The following ASXL3 variants were observed in gnomAD, a reference collection of about 807,000 sequenced individuals.
The protein encoded by ASXL3 is ASXL transcriptional regulator 3.
Under a neutral mutation model 170.6 loss-of-function variants are expected in ASXL3, and 34 were observed. That is an observed-to-expected ratio of 0.20 (90% CI 0.15 to 0.27). The LOEUF is 0.27. Ranked by LOEUF, ASXL3 falls within the 10% of genes least tolerant of loss-of-function variation. The pLI is 1.00. For synonymous variants in ASXL3, 1,002 were observed against 989.1 expected, an observed-to-expected ratio of 1.01 and a Z score of -0.24; for missense variants, 2,592 against 2,695.3, an observed-to-expected ratio of 0.96 and a Z score of 0.85.
At chr18:33,662,430 A>G (rs1294989363) in intron 5 of ASXL3, among the ~76,000 whole-genome samples, 1 of 152,190 alleles carries the variant, frequency 6.6e-6, no homozygotes, top group Non-Finnish European at 1.5e-5. Flanking sequence ...AAATAATAGT[A>G]TCTTGCTCCT....
intron 5 of ASXL3, among the ~76,000 whole-genome samples, chr18:33,662,750 A>T (rs1272503965): frequency 6.6e-6 from 1 of 152,140 alleles, no homozygotes; most frequent in Non-Finnish European, 1.5e-5. Context: ...GATGACCTTT[A>T]CCAGATCCAG....
chr18:33,584,263 G>C (rs1426809851), intron 1 of ASXL3, among the ~76,000 whole-genome samples: 3 of 151,926 alleles, frequency 2.0e-5, no homozygotes, highest in East Asian at 3.9e-4. Flanking sequence ...CAGAAGACTT[G>C]GGGGGGCATA....
At chr18:33,645,162 T>C (rs1409149489) in intron 3 of ASXL3, among the ~76,000 whole-genome samples, 160 bp downstream of exon 3, 1 of 152,044 alleles carries the variant, frequency 6.6e-6, no homozygotes, top group Non-Finnish European at 1.5e-5. Context: ...GAATAAACAA[T>C]GACATTTTTC....
intron 2 of ASXL3, among the ~76,000 whole-genome samples, chr18:33,637,008 C>T (rs576392977): frequency 6.6e-5 from 10 of 152,076 alleles, no homozygotes; most frequent in Middle Eastern, 3.4e-3. Flanking sequence ...CATAGAGATA[C>T]GTTTGTGAAT....
At chr18:33,667,156 C>T (rs1162241536) in intron 5 of ASXL3, among the ~76,000 whole-genome samples, 1 of 152,126 alleles carries the variant, frequency 6.6e-6, no homozygotes, top group Non-Finnish European at 1.5e-5. Context: ...AAAAATCTAG[C>T]AGTTGGCCTT....
At chr18:33,710,381 A>G (rs576466541) in intron 8 of ASXL3, among the ~76,000 whole-genome samples, 4 of 152,218 alleles carry the variant, frequency 2.6e-5, no homozygotes, top group Non-Finnish European at 2.9e-5. Flanking sequence ...GTTATTGGCA[A>G]TCGTTTTAGT....
intron 1 of ASXL3, chr18:33,605,375 A>G (rs528446086): frequency 6.6e-6 from 1 of 152,076 alleles, no homozygotes; most frequent in Non-Finnish European, 1.5e-5. Flanking sequence ...TACACAGCTC[A>G]ATCAATAAAG....
Position 33,600,871 on chromosome 18 carries a change from A to G in ASXL3, c.55-6723A>G, listed in dbSNP as rs918651078. On this transcript the variant is annotated intron_variant, in intron 1 of 11. Coordinates refer to ENST00000269197, the MANE Select transcript of ASXL3 (RefSeq NM_030632.3). The stretch of plus-strand genomic sequence containing the variant: ...AGAGTTTCCTTCTCATGAATATTCT[A>G]TGATACCATATATCATAATTGCTTG... 2.9e-4 allele frequency among the ~76,000 whole-genome samples: 44 copies of G among 152,292 alleles called. 1 individual carries two copies. The highest frequency in any genetic ancestry group is 8.4e-4 in the African/African-American group (35 of 41,570).
rs779625037 is a variant in ASXL3, at chr18:33,738,865, T to C, written c.1461T>C (p.His487=). 3 of 1,613,492 alleles carry C rather than the reference T, an allele frequency of 1.9e-6. No individual in the cohort carries two copies. The highest frequency in any genetic ancestry group is 1.7e-6 in the Non-Finnish European group (2 of 1,179,816). Residue 487 remains histidine, a synonymous_variant, in exon 11 of 12, where the codon CAT becomes CAC. Transcript: ENST00000269197. ...SEEAESLTNS[H]EEPQIAPPED... is the part of the protein sequence containing the mutation. Reference sequence around the variant, plus strand: ...AGGCTGAAAGTCTAACCAATTCTCATGAAGAACCCCAAATAGCACCTCCTG... The same window carrying C: ...AGGCTGAAAGTCTAACCAATTCTCACGAAGAACCCCAAATAGCACCTCCTG...
chr18:33,636,870 A>G (rs2065774127), intron 2 of ASXL3, among the ~76,000 whole-genome samples: 1 of 152,146 alleles, frequency 6.6e-6, no homozygotes, highest in African/African-American at 2.4e-5. Context: ...CTGAAATCCT[A>G]AAAGGTCCTA....
chr18:33,687,197 C>A (rs1179658105), intron 8 of ASXL3, among the ~76,000 whole-genome samples: 1 of 152,180 alleles, frequency 6.6e-6, no homozygotes, highest in East Asian at 1.9e-4. Flanking sequence ...AGCTAGTATG[C>A]TCTCTTTCTG....
intron 7 of ASXL3, among the ~76,000 whole-genome samples, chr18:33,675,297 G>T (rs991589347): frequency 6.6e-6 from 1 of 152,156 alleles, no homozygotes. Flanking sequence ...GTGCAAAGGA[G>T]TGATCCCACC....
chr18:33,704,301 GAAAAAA>G (rs927627796), intron 8 of ASXL3, among the ~76,000 whole-genome samples: 16 of 152,020 alleles, frequency 1.1e-4, no homozygotes, highest in African/African-American at 3.6e-4. Flanking sequence ...AGATGCCTCT[GAAAAAA>G]GAATTATATT....
chr18:33,602,494 A>G (rs1275977156), intron 1 of ASXL3, among the ~76,000 whole-genome samples: 6 of 152,122 alleles, frequency 3.9e-5, no homozygotes, highest in African/African-American at 1.4e-4. Flanking sequence ...TCAGTAATCC[A>G]AGTTCATGTT....
chr18:33,630,564 A>T (rs576217035), intron 2 of ASXL3, among the ~76,000 whole-genome samples: 2 of 152,190 alleles, frequency 1.3e-5, no homozygotes, highest in South Asian at 2.1e-4. Context: ...TATGAATGCC[A>T]GTCTTAACAC....
At chr18:33,671,551 T>C (rs2066341902) in intron 6 of ASXL3, among the ~76,000 whole-genome samples, 196 bp from the exon 7 acceptor site, 1 of 152,200 alleles carries the variant, frequency 6.6e-6, no homozygotes, top group African/African-American at 2.4e-5. Context: ...GGCCATCTGT[T>C]CTTGCTTTTT....
At chr18:33,637,781 C>T (rs1011971049) in intron 2 of ASXL3, among the ~76,000 whole-genome samples, 5 of 152,120 alleles carry the variant, frequency 3.3e-5, no homozygotes, top group African/African-American at 1.2e-4. Flanking sequence ...TATGTTTGTA[C>T]ATGATCACAT....
chr18:33,611,147 G>A (rs1456234004), intron 2 of ASXL3, among the ~76,000 whole-genome samples: 2 of 151,982 alleles, frequency 1.3e-5, no homozygotes, highest in African/African-American at 2.4e-5. Flanking sequence ...ATAAAGATAG[G>A]ACAACTTTTT....
chr18:33,712,658 TC>T (rs1000851518), intron 8 of ASXL3, among the ~76,000 whole-genome samples: 2 of 152,150 alleles, frequency 1.3e-5, no homozygotes, highest in Non-Finnish European at 2.9e-5. Context: ...AAGAAAGACT[TC>T]AAGGATCCAG....
Sources: allele counts gnomAD v4.1 joint callset (sites outside exome capture counted in the v4.1 genomes callset), GRCh38; gene constraint gnomAD v4.1.1; transcripts MANE v1.5; gene names NCBI Gene and HGNC (gene_info 2026-07-23, HGNC 2026-07-21).